The following SDK1 variants were observed in gnomAD, a reference collection of about 807,000 sequenced individuals.
SDK1 encodes the protein protein sidekick-1.
SDK1 carries 157 observed loss-of-function variants against 245.5 expected under a neutral mutation model. That is an observed-to-expected ratio of 0.64 (90% CI 0.56 to 0.73). SDK1 has a LOEUF of 0.73. Among genes scored for constraint, SDK1 ranks in the 30% least tolerant of loss-of-function variants. SDK1 has a pLI of 0.00. For synonymous variants in SDK1, 1,647 were observed against 1,278.5 expected, an observed-to-expected ratio of 1.29 and a Z score of -6.15; for missense variants, 3,583 against 3,002.3, an observed-to-expected ratio of 1.19 and a Z score of -4.52.
intron 4 of SDK1, among the ~76,000 whole-genome samples, chr7:3,819,512 A>G (rs956749229): frequency 3.3e-5 from 5 of 152,254 alleles, no homozygotes; most frequent in African/African-American, 1.2e-4. Flanking sequence ...TTTAAATTGT[A>G]CTATTAAATG....
intron 1 of SDK1, among the ~76,000 whole-genome samples, chr7:3,573,406 G>T (rs999421432): frequency 6.6e-6 from 1 of 152,072 alleles, no homozygotes; most frequent in African/African-American, 2.4e-5. Context: ...GCCTTGGGAT[G>T]ATTTATCAGC....
chr7:3,774,615 T>C (rs931013190), intron 4 of SDK1, among the ~76,000 whole-genome samples: 1 of 152,238 alleles, frequency 6.6e-6, no homozygotes, highest in Non-Finnish European at 1.5e-5. Flanking sequence ...ATAGTTATAC[T>C]GGACAGATTC....
chr7:4,237,836 CAT>C (rs1562468418), intron 42 of SDK1, 52 bp downstream of exon 42: 5 of 1,603,354 alleles, frequency 3.1e-6, no homozygotes, highest in African/African-American at 2.7e-5. Context: ...TCAGCCAAAA[CAT>C]AGCGTTCGTT....
rs190579811 is a variant in SDK1, at chr7:3,990,366, C to T, written c.2131+3044C>T. Among the ~76,000 whole-genome samples the T allele has an allele frequency of 3.4e-3, 516 of 152,364 alleles. 4 individuals are homozygous for T. The highest frequency in any genetic ancestry group is 0.012 in the African/African-American group (491 of 41,582). On this transcript the variant is annotated intron_variant, in intron 14 of 44. Transcript: ENST00000404826. Reference sequence around the variant, plus strand: ...CAACTCCCACTCGGGCCTCTTTCCTCCCAGAGATGGGGCAGGATAGAAACC... The same window carrying T: ...CAACTCCCACTCGGGCCTCTTTCCTTCCAGAGATGGGGCAGGATAGAAACC...
intron 4 of SDK1, among the ~76,000 whole-genome samples, chr7:3,713,764 T>A (rs575828754): frequency 6.6e-6 from 1 of 152,354 alleles, no homozygotes; most frequent in Admixed American, 6.5e-5. Context: ...TTCAACAATT[T>A]AATATTTAAT....
At chr7:3,839,548 A>G (rs185078745) in intron 5 of SDK1, among the ~76,000 whole-genome samples, 62 of 152,336 alleles carry the variant, frequency 4.1e-4, no homozygotes, top group Admixed American at 4.1e-3. Flanking sequence ...ATTTATGAAA[A>G]TAAGTTTTCT....
intron 12 of SDK1, among the ~76,000 whole-genome samples, chr7:3,973,200 G>A (rs943847156): frequency 6.6e-6 from 1 of 152,190 alleles, no homozygotes. Flanking sequence ...AGCCAGATGC[G>A]ATGCCCCGGC....
At chr7:3,449,445 C>T (rs1224580911) in intron 1 of SDK1, among the ~76,000 whole-genome samples, 1 of 152,154 alleles carries the variant, frequency 6.6e-6, no homozygotes. Context: ...GGCAAAGTAA[C>T]TCCAGTATCT....
intron 1 of SDK1, among the ~76,000 whole-genome samples, chr7:3,501,052 A>G (rs1269738150): frequency 6.6e-6 from 1 of 152,128 alleles, no homozygotes; most frequent in Non-Finnish European, 1.5e-5. Context: ...CTTCTCTGTT[A>G]AAGGCTTTTC....
In SDK1 at chr7:4,129,568, CAG is replaced by C. The variant is rs1784650827; in HGVS notation, c.3940-337_3940-336del. ...GGCTGCTGGCTCCTGTGGCAGGAAGCAGAGTGTTGTCTGTGTTCATAATCGAG... is the reference window on the plus strand; with the variant it reads ...GGCTGCTGGCTCCTGTGGCAGGAAGCAGTGTTGTCTGTGTTCATAATCGAG... On this transcript the variant is annotated intron_variant, in intron 26 of 44. Transcript: ENST00000404826. The C allele has an allele frequency of 3.8e-6, 3 of 796,978 alleles. No homozygotes were observed. The Admixed American group carries it at 1.4e-4, about 37-fold the overall frequency. The allele number at this position is 796,978 out of a possible 1,614,324, so 49.4% of individuals were successfully genotyped here. A position where few individuals can be genotyped will look rare whatever the true frequency, so the allele number is the denominator to read the frequency against.
chr7:3,964,192 A>G (rs981084301), intron 9 of SDK1, among the ~76,000 whole-genome samples: 2 of 152,214 alleles, frequency 1.3e-5, no homozygotes, highest in South Asian at 2.1e-4. Context: ...ATGTGGCCAG[A>G]AGTGGGCAGA....
intron 1 of SDK1, among the ~76,000 whole-genome samples, chr7:3,582,755 T>A (rs148977253): frequency 6.7e-6 from 1 of 149,244 alleles, no homozygotes; most frequent in Admixed American, 6.6e-5. Context: ...TAATTCCTCA[T>A]TGTAATTTTG....
chr7:3,553,616 G>T (rs1408001027), intron 1 of SDK1, among the ~76,000 whole-genome samples: 1 of 152,130 alleles, frequency 6.6e-6, no homozygotes, highest in Non-Finnish European at 1.5e-5. Context: ...AAGCAAGCAA[G>T]CAGCCAAGGG....
intron 5 of SDK1, among the ~76,000 whole-genome samples, chr7:3,887,278 C>A (rs566797970): frequency 2.0e-5 from 3 of 152,140 alleles, no homozygotes; most frequent in Non-Finnish European, 4.4e-5. Flanking sequence ...CACTAATTCA[C>A]TCCAGAAATG....
At chr7:3,973,713 G>GTA (rs1259540306) in intron 12 of SDK1, among the ~76,000 whole-genome samples, 1 of 152,068 alleles carries the variant, frequency 6.6e-6, no homozygotes, top group African/African-American at 2.4e-5. Flanking sequence ...TAGGTGACAG[G>GTA]TATGCCCGTG....
chr7:3,519,228 C>G (rs1368965609), intron 1 of SDK1, among the ~76,000 whole-genome samples: 1 of 152,052 alleles, frequency 6.6e-6, no homozygotes, highest in Non-Finnish European at 1.5e-5. Context: ...TTCCATAGCA[C>G]TGTAGGGTGG....
At chr7:4,013,973 G>C (rs576802541) in intron 16 of SDK1, among the ~76,000 whole-genome samples, 1 of 152,194 alleles carries the variant, frequency 6.6e-6, no homozygotes, top group Non-Finnish European at 1.5e-5. Flanking sequence ...AAACAGCCCC[G>C]TGTCCCCGCC....
intron 17 of SDK1, among the ~76,000 whole-genome samples, chr7:4,042,685 T>C (rs1283722896): frequency 6.6e-6 from 1 of 152,164 alleles, no homozygotes; most frequent in African/African-American, 2.4e-5. Flanking sequence ...CGCTGCACAC[T>C]TGAAACCCCT....
intron 1 of SDK1, among the ~76,000 whole-genome samples, chr7:3,402,514 T>C (rs1008152596): frequency 2.0e-5 from 3 of 152,230 alleles, no homozygotes; most frequent in Non-Finnish European, 4.4e-5. Flanking sequence ...TATTTGAATG[T>C]TATCAAGCTG....
Sources: gnomAD v4.1 joint callset for allele counts (sites outside exome capture counted in the v4.1 genomes callset) on GRCh38, gnomAD v4.1.1 for gene constraint, MANE v1.5 for transcripts, NCBI Gene and HGNC (gene_info 2026-07-23, HGNC 2026-07-21) for gene names.